FAM13A: variants seen among roughly 807,000 people sequenced by gnomAD.
FAM13A encodes the protein family with sequence similarity 13 member A, also known as protein FAM13A.
Under a neutral mutation model 129.6 loss-of-function variants are expected in FAM13A, and 76 were observed. The ratio of observed to expected loss-of-function variants is 0.59; its 90% CI spans 0.49 to 0.71. The LOEUF is 0.71. FAM13A is among the 30% of genes least tolerant of loss of function. The pLI is 0.00. For synonymous variants in FAM13A, 443 were observed against 449.9 expected (o/e 0.98, Z 0.20); for missense variants, 1,108 against 1,249.3 (o/e 0.89, Z 1.70).
intron 6 of FAM13A, among the ~76,000 whole-genome samples, chr4:88,865,728 C>A (rs1320375789): frequency 6.6e-6 from 1 of 152,194 alleles, no homozygotes; most frequent in Non-Finnish European, 1.5e-5. Flanking sequence ...AAAGCAGCCA[C>A]AGACAATATA....
Position 88,747,670 on chromosome 4 carries a change from C to T in FAM13A, c.2343G>A (p.Gln781=). ...ATLESIQRKL[Q]EKRAESSRPE... is the part of the protein sequence containing the mutation. ...GGCGGCTGCTTTCCGCTCGCTTCTC[C>T]TGGAGCTTCCTCTGAATAGATTCCA... is the stretch of plus-strand genomic sequence containing the variant. Residue 781 remains glutamine, a synonymous_variant, in exon 18 of 24, where the codon CAG becomes CAA. Coordinates refer to ENST00000264344, the MANE Select transcript of FAM13A (RefSeq NM_014883.4). 6.2e-7 allele frequency: 1 copy of T among 1,614,194 alleles called. No homozygotes were observed. The highest frequency in any genetic ancestry group is 8.5e-7 in the Non-Finnish European group (1 of 1,180,044).
intron 4 of FAM13A, among the ~76,000 whole-genome samples, chr4:88,987,971 A>G (rs1762474301): frequency 6.6e-6 from 1 of 152,116 alleles, no homozygotes; most frequent in Admixed American, 6.6e-5. Context: ...ACTGCACAAT[A>G]TTCCACAGGA....
At chr4:88,838,050 T>C (rs949867241) in intron 7 of FAM13A, among the ~76,000 whole-genome samples, 1 of 152,202 alleles carries the variant, frequency 6.6e-6, no homozygotes, top group Non-Finnish European at 1.5e-5. Flanking sequence ...AGCATTTACA[T>C]TGTATTAGGT....
chr4:89,053,572 G>C (rs1771863852), intron 1 of FAM13A, among the ~76,000 whole-genome samples: 1 of 152,042 alleles, frequency 6.6e-6, no homozygotes, highest in South Asian at 2.1e-4. Flanking sequence ...GGTACCAGGC[G>C]GTAAGACTAC....
chr4:88,728,355 C>T lies in FAM13A; in HGVS notation c.*178G>A, dbSNP rs942253430. The T allele has an allele frequency of 2.8e-5, 20 of 709,698 alleles. No homozygotes were observed. In the African/African-American group the frequency reaches 3.4e-4, roughly 12 times the overall value. 44.0% of individuals were successfully genotyped at this position (709,698 alleles called of 1,614,324 possible). A position where few individuals can be genotyped will look rare whatever the true frequency, so the allele number is the denominator to read the frequency against. Reference sequence around the variant, plus strand: ...TGCCTAAGTCAGGTCACATTGTCTTCTTCCAGCCAGTTTCTAAGGCAGGCA... The same window carrying T: ...TGCCTAAGTCAGGTCACATTGTCTTTTTCCAGCCAGTTTCTAAGGCAGGCA... On this transcript the variant is annotated 3_prime_UTR_variant, in exon 24 of 24. Transcript: ENST00000264344.
chr4:88,989,588 T>A (rs969512424), intron 4 of FAM13A: 1 of 152,192 alleles, frequency 6.6e-6, no homozygotes, highest in African/African-American at 2.4e-5. Context: ...GGTAACAAAG[T>A]GAGACTGTCT....
chr4:88,935,427 A>G (rs1466595934), intron 5 of FAM13A, among the ~76,000 whole-genome samples: 1 of 152,248 alleles, frequency 6.6e-6, no homozygotes, highest in Non-Finnish European at 1.5e-5. Context: ...TAAGTCATTT[A>G]CATGAGACTT....
chr4:89,026,967 G>T (rs993463017), intron 2 of FAM13A, among the ~76,000 whole-genome samples: 10 of 152,140 alleles, frequency 6.6e-5, no homozygotes, highest in African/African-American at 2.4e-4. Flanking sequence ...TCCAATAAAT[G>T]ATTCTTATCA....
At chr4:88,817,421 G>C (rs1413510841) in intron 7 of FAM13A, among the ~76,000 whole-genome samples, 1 of 151,866 alleles carries the variant, frequency 6.6e-6, no homozygotes, top group East Asian at 1.9e-4. Flanking sequence ...AAATTAGCTG[G>C]GCATGGTGGT....
chr4:88,796,930 T>A (rs562996699), intron 8 of FAM13A, among the ~76,000 whole-genome samples: 1 of 152,112 alleles, frequency 6.6e-6, no homozygotes, highest in Non-Finnish European at 1.5e-5. Flanking sequence ...TGCCCATATT[T>A]CTCTCATTAT....
intron 7 of FAM13A, among the ~76,000 whole-genome samples, chr4:88,839,295 C>A (rs1401677331): frequency 6.6e-6 from 1 of 152,106 alleles, no homozygotes; most frequent in Non-Finnish European, 1.5e-5. Flanking sequence ...ATAAAATAGC[C>A]TGTTAGCTAT....
At chr4:88,993,070 A>T (rs1763111743) in intron 3 of FAM13A, among the ~76,000 whole-genome samples, 1 of 152,228 alleles carries the variant, frequency 6.6e-6, no homozygotes, top group African/African-American at 2.4e-5. Flanking sequence ...AGAGCACAAG[A>T]TCAGAATGAA....
At chr4:88,999,044 T>C (rs1442459328) in intron 3 of FAM13A, among the ~76,000 whole-genome samples, 2 of 152,326 alleles carry the variant, frequency 1.3e-5, no homozygotes, top group East Asian at 3.9e-4. Flanking sequence ...GATTAGATTC[T>C]GCAAAATGCA....
intron 5 of FAM13A, among the ~76,000 whole-genome samples, chr4:88,913,563 G>GAAGAAGAAGAAAA (rs1261430089): frequency 6.6e-6 from 1 of 151,880 alleles, no homozygotes; most frequent in Admixed American, 6.6e-5. Context: ...GGAGGAGGAG[G>GAAGAAGAAGAAAA]AAGAAGAAGA....
chr4:89,008,396 G>A (rs1012046180), intron 3 of FAM13A, among the ~76,000 whole-genome samples: 4 of 152,176 alleles, frequency 2.6e-5, no homozygotes, highest in African/African-American at 4.8e-5. Context: ...AAAAGGCTAC[G>A]TGAGGACACA....
intron 3 of FAM13A, among the ~76,000 whole-genome samples, chr4:88,992,784 T>C (rs1278750303): frequency 6.6e-6 from 1 of 152,194 alleles, no homozygotes; most frequent in African/African-American, 2.4e-5. Context: ...AATAAAAATA[T>C]TTTATAACAA....
At chr4:88,809,315 G>A (rs567332534) in intron 7 of FAM13A, among the ~76,000 whole-genome samples, 1 of 152,184 alleles carries the variant, frequency 6.6e-6, no homozygotes, top group Non-Finnish European at 1.5e-5. Flanking sequence ...TTTCTAATTG[G>A]TTAATGTGGC....
intron 14 of FAM13A, chr4:88,753,627 C>G (rs914871658): frequency 5.5e-5 from 52 of 941,256 alleles, no homozygotes; most frequent in Non-Finnish European, 6.3e-5. Flanking sequence ...ACCTGATTCT[C>G]TCCTTTTTCT....
intron 8 of FAM13A, among the ~76,000 whole-genome samples, chr4:88,794,220 G>A (rs1334274804): frequency 6.6e-6 from 1 of 151,866 alleles, no homozygotes; most frequent in Non-Finnish European, 1.5e-5. Flanking sequence ...AAAGAAAGAT[G>A]CTCACTCATA....
Sources: allele counts gnomAD v4.1 joint callset (sites outside exome capture counted in the v4.1 genomes callset), GRCh38; gene constraint gnomAD v4.1.1; transcripts MANE v1.5; gene names NCBI Gene and HGNC (gene_info 2026-07-23, HGNC 2026-07-21).